Variants in JMJD1C observed in about 807,000 individuals in gnomAD.
The protein encoded by JMJD1C is jumonji domain-containing protein 1C.
Under a neutral mutation model 245.3 loss-of-function variants are expected in JMJD1C, and 31 were observed. The observed-to-expected ratio is 0.13, with a 90% CI of 0.09 to 0.17. The LOEUF (loss-of-function observed/expected upper bound fraction) is 0.17, where lower values mean the gene tolerates loss of function less well. Ranked by LOEUF, JMJD1C falls within the 10% of genes least tolerant of loss-of-function variation. The probability of loss-of-function intolerance (pLI) is 1.00; values close to 1 mark genes in which losing one functional copy is unlikely to be tolerated. For missense variants in JMJD1C, 2,691 were observed against 3,000.2 expected, an observed-to-expected ratio of 0.90 and a Z score of 2.41; for synonymous variants, 1,057 against 1,017.4, an observed-to-expected ratio of 1.04 and a Z score of -0.74.
intron 3 of JMJD1C, among the ~76,000 whole-genome samples, chr10:63,234,672 C>A (rs1446397724): frequency 6.6e-6 from 1 of 150,528 alleles, no homozygotes; most frequent in Non-Finnish European, 1.5e-5. Context: ...GTGGTTCACG[C>A]TTGTAATCCT....
intron 1 of JMJD1C, among the ~76,000 whole-genome samples, chr10:63,460,435 C>T (rs2133083473): frequency 6.6e-6 from 1 of 152,128 alleles, no homozygotes; most frequent in Non-Finnish European, 1.5e-5. Context: ...GGGAGGATTG[C>T]CTGAGTTGAG....
At chr10:63,386,931 A>G (rs571942498) in intron 1 of JMJD1C, among the ~76,000 whole-genome samples, 2 of 152,264 alleles carry the variant, frequency 1.3e-5, no homozygotes, top group East Asian at 3.9e-4. Flanking sequence ...AACAGACATG[A>G]TCTTCTGACT....
At chr10:63,319,606 T>C (rs1940593602) in intron 2 of JMJD1C, among the ~76,000 whole-genome samples, 1 of 152,222 alleles carries the variant, frequency 6.6e-6, no homozygotes, top group Non-Finnish European at 1.5e-5. Context: ...TCCTATCTTC[T>C]GGATGTCAAT....
intron 2 of JMJD1C, among the ~76,000 whole-genome samples, chr10:63,295,057 T>G (rs1249851652): frequency 1.3e-5 from 2 of 152,088 alleles, no homozygotes; most frequent in Non-Finnish European, 2.9e-5. Context: ...TAAAGATTCT[T>G]TCTGAAGTAG....
chr10:63,231,533 C>T (rs1320285953), intron 3 of JMJD1C, among the ~76,000 whole-genome samples: 2 of 152,104 alleles, frequency 1.3e-5, no homozygotes, highest in Non-Finnish European at 2.9e-5. Context: ...GTGGCTCATG[C>T]CTGTAATTCC....
intron 1 of JMJD1C, among the ~76,000 whole-genome samples, chr10:63,409,705 T>C (rs1393918940): frequency 6.6e-6 from 1 of 152,182 alleles, no homozygotes; most frequent in Non-Finnish European, 1.5e-5. Context: ...ACTTAGATTG[T>C]ACACCTAAAG....
chr10:63,332,634 A>G (rs890718185), intron 2 of JMJD1C, among the ~76,000 whole-genome samples: 1 of 152,252 alleles, frequency 6.6e-6, no homozygotes, highest in African/African-American at 2.4e-5. Flanking sequence ...CAAAACGGAG[A>G]TATCTTACAT....
intron 1 of JMJD1C, among the ~76,000 whole-genome samples, chr10:63,464,312 T>G (rs557242467): frequency 6.6e-6 from 1 of 152,106 alleles, no homozygotes; most frequent in Non-Finnish European, 1.5e-5. Flanking sequence ...TTGACTACAG[T>G]GAGGAAAACC....
At chr10:63,227,341 G>A (rs1849413871) in intron 3 of JMJD1C, among the ~76,000 whole-genome samples, 1 of 152,118 alleles carries the variant, frequency 6.6e-6, no homozygotes, top group Admixed American at 6.5e-5. Flanking sequence ...TATTATTTAT[G>A]TCACACATAG....
rs371121938 is a variant in JMJD1C, at chr10:63,215,658, T to C, written c.717A>G (p.Gln239=). The part of the protein sequence containing the change: ...EPQNVDPSMV[Q]MTFLDDVVHS... ...GAACAACATCATCTAGAAAGGTCAT[T>C]TGAACCATAGAAGGATCGACATTCT... is the stretch of plus-strand genomic sequence containing the variant. Residue 239 remains glutamine (Q), a synonymous_variant, in exon 6 of 26, where the codon CAA becomes CAG. Transcript: ENST00000399262. 6 of 1,604,318 alleles carry C rather than the reference T, an allele frequency of 3.7e-6. No homozygotes were observed. Among genetic ancestry groups the C allele is most frequent in the East Asian group, 2.2e-5 (1 of 44,574 alleles).
At chr10:63,390,590 C>A (rs376900539) in intron 1 of JMJD1C, among the ~76,000 whole-genome samples, 1 of 137,434 alleles carries the variant, frequency 7.3e-6, no homozygotes, top group Admixed American at 7.2e-5. Context: ...ACAACAACAA[C>A]AAAATAAAAC....
At chr10:63,355,436 T>C (rs559551885) in intron 2 of JMJD1C, among the ~76,000 whole-genome samples, 2 of 152,334 alleles carry the variant, frequency 1.3e-5, no homozygotes, top group African/African-American at 4.8e-5. Context: ...TGCAGATTCA[T>C]TTAACATCAT....
At chr10:63,199,954 T>G (rs562978784) in intron 11 of JMJD1C, among the ~76,000 whole-genome samples, 1 of 152,314 alleles carries the variant, frequency 6.6e-6, no homozygotes, top group Admixed American at 6.5e-5. Context: ...TACTAACATT[T>G]ACATTTTGCA....
intron 1 of JMJD1C, among the ~76,000 whole-genome samples, chr10:63,484,420 C>T (rs1953928473): frequency 6.6e-6 from 1 of 152,054 alleles, no homozygotes; most frequent in African/African-American, 2.4e-5. Flanking sequence ...CAGTATGTAA[C>T]TTCTAGTGTA....
intron 14 of JMJD1C, 109 bp from the exon 15 acceptor site, chr10:63,193,581 T>C (rs2133013532): frequency 1.5e-6 from 1 of 653,856 alleles, no homozygotes; most frequent in Non-Finnish European, 2.4e-6. Context: ...GGAGGTTTTC[T>C]TGTGCCCTTT....
At chr10:63,304,315 G>A (rs1227321481) in intron 2 of JMJD1C, among the ~76,000 whole-genome samples, 1 of 152,074 alleles carries the variant, frequency 6.6e-6, no homozygotes, top group Non-Finnish European at 1.5e-5. Flanking sequence ...ACAGAAGTTT[G>A]GGCATAAGGC....
upstream of JMJD1C, chr10:63,466,062 G>A: frequency 4.6e-6 from 1 of 215,436 alleles, no homozygotes; most frequent in Non-Finnish European, 9.1e-6. Context: ...CGGGAGGGTC[G>A]GCGGAACCAC....
At chr10:63,504,334 A>G (rs1274713525) in intron 1 of JMJD1C, among the ~76,000 whole-genome samples, 1 of 152,214 alleles carries the variant, frequency 6.6e-6, no homozygotes, top group Non-Finnish European at 1.5e-5. Flanking sequence ...CAATGCAGAG[A>G]ACTGCAACAG....
rs533766486 is a variant in JMJD1C at position 63,435,758 on chromosome 10, G to A, written c.168+29737C>T. Among the ~76,000 whole-genome samples, 15 of 152,284 alleles carry A rather than the reference G, an allele frequency of 9.9e-5. No homozygotes were observed. In the South Asian group the frequency reaches 3.1e-3, roughly 32 times the overall value. On this transcript the variant is annotated intron_variant, in intron 1 of 25. Coordinates refer to ENST00000399262, the MANE Select transcript of JMJD1C (RefSeq NM_032776.3). Reference sequence around the variant, plus strand: ...CTATTAAAAGTACAAAAATTAGCTGGCATGGTGGCATGCGCCTATAATCCC... The same window carrying A: ...CTATTAAAAGTACAAAAATTAGCTGACATGGTGGCATGCGCCTATAATCCC...
Sources: gnomAD v4.1 joint callset for allele counts (sites outside exome capture counted in the v4.1 genomes callset) on GRCh38, gnomAD v4.1.1 for gene constraint, MANE v1.5 for transcripts, NCBI Gene and HGNC (gene_info 2026-07-23, HGNC 2026-07-21) for gene names.